SNX6: variants seen among roughly 807,000 people sequenced by gnomAD.
SNX6 encodes sorting nexin 6.
SNX6 carries 34 observed loss-of-function variants against 63.0 expected under a neutral mutation model. The ratio of observed to expected loss-of-function variants is 0.54; its 90% CI spans 0.41 to 0.72. The LOEUF is 0.72. Ranked by LOEUF, SNX6 falls within the 30% of genes least tolerant of loss-of-function variation. SNX6 has a pLI of 0.00. For synonymous variants in SNX6, 170 were observed against 164.2 expected (o/e 1.04, Z -0.27); for missense variants, 398 against 471.4 (o/e 0.84, Z 1.44).
At chr14:34,572,325 G>A (rs1245865281) in intron 11 of SNX6, among the ~76,000 whole-genome samples, 1 of 152,112 alleles carries the variant, frequency 6.6e-6, no homozygotes, top group Non-Finnish European at 1.5e-5. Flanking sequence ...TTGGGAGGCC[G>A]AGGCGGGTGG....
At position 34,578,016 on chromosome 14, in the gene SNX6, C is replaced by A. The variant is rs887397645; in HGVS notation, c.835-2174G>T. Among the ~76,000 whole-genome samples, 20 of 152,078 alleles carry A rather than the reference C, an allele frequency of 1.3e-4. No individual in the cohort carries two copies. In the East Asian group the frequency reaches 3.9e-3, roughly 29 times the overall value. ...GTCAGGAGTTCGAGACCAGCCTGGC[C>A]AACATGGTGAAACCCCACCCCCCCG... On this transcript the variant is annotated intron_variant, in intron 10 of 13. Coordinates refer to ENST00000362031, the MANE Select transcript of SNX6 (RefSeq NM_152233.4).
intron 7 of SNX6, among the ~76,000 whole-genome samples, chr14:34,593,979 G>C (rs1272317514): frequency 6.6e-6 from 1 of 152,038 alleles, no homozygotes; most frequent in East Asian, 1.9e-4. Context: ...GCCTCCCAAC[G>C]TGCTAAAGTG....
At chr14:34,616,434 A>G (rs1419892741) in intron 2 of SNX6, among the ~76,000 whole-genome samples, 1 of 152,086 alleles carries the variant, frequency 6.6e-6, no homozygotes, top group Admixed American at 6.6e-5. Context: ...CGGTGGCACA[A>G]TCATAGCTCA....
intron 2 of SNX6, among the ~76,000 whole-genome samples, chr14:34,627,090 A>G (rs1883856333): frequency 6.6e-6 from 1 of 152,140 alleles, no homozygotes; most frequent in African/African-American, 2.4e-5. Context: ...ATTGTTCTCA[A>G]GCTCTCAGCC....
chr14:34,590,098 C>G (rs1457929406), intron 8 of SNX6, among the ~76,000 whole-genome samples: 3 of 151,824 alleles, frequency 2.0e-5, no homozygotes, highest in Non-Finnish European at 2.9e-5. Flanking sequence ...GAGCGAGACC[C>G]TGTCTCAACA....
chr14:34,570,140 C>T (rs1881379249), intron 11 of SNX6, among the ~76,000 whole-genome samples: 1 of 151,628 alleles, frequency 6.6e-6, no homozygotes, highest in African/African-American at 2.4e-5. Flanking sequence ...GCGATCTCAG[C>T]TCACCGCAAC....
intron 10 of SNX6, among the ~76,000 whole-genome samples, chr14:34,580,332 G>T (rs1379410224): frequency 1.3e-5 from 2 of 152,034 alleles, no homozygotes; most frequent in African/African-American, 4.8e-5. Context: ...TTTGATACAG[G>T]GTCTCTGTCA....
chr14:34,629,990 G>C, intron 1 of SNX6, 36 bp from the exon 2 acceptor site: 2 of 1,527,240 alleles, frequency 1.3e-6, no homozygotes, highest in South Asian at 1.2e-5. Context: ...CCGGGGAAAA[G>C]GATGAGATGG....
chr14:34,587,529 T>A (rs1218345057), intron 8 of SNX6, among the ~76,000 whole-genome samples: 2 of 36,840 alleles, frequency 5.4e-5, no homozygotes, highest in South Asian at 1.5e-3. Flanking sequence ...CAAGACTCCA[T>A]CTCAAAAAAA....
intron 11 of SNX6, among the ~76,000 whole-genome samples, chr14:34,573,878 T>C (rs1881566374): frequency 6.6e-6 from 1 of 151,772 alleles, no homozygotes; most frequent in East Asian, 2.0e-4. Flanking sequence ...GCTGACCTTG[T>C]GATCCACCCT....
In SNX6 at chr14:34,577,260, T is replaced by C. The variant is rs547794982; in HGVS notation, c.835-1418A>G. On this transcript the variant is annotated intron_variant, in intron 10 of 13. Coordinates refer to ENST00000362031, the MANE Select transcript of SNX6 (RefSeq NM_152233.4). ...ACCAAGCTTGGCTAATTTTTTTGTA[T>C]TTTTTTTTAGTAGAGACGGGGTTTT... 1.9e-4 allele frequency among the ~76,000 whole-genome samples: 27 copies of C among 143,312 alleles called. No homozygotes were observed. The East Asian group carries it at 3.0e-3, about 16-fold the overall frequency. The allele number at this position is 143,312 out of a possible 152,430, so 94.0% of individuals were successfully genotyped here. A position where few individuals can be genotyped will look rare whatever the true frequency, so the allele number is the denominator to read the frequency against.
At chr14:34,614,465 C>G (rs1477104657) in intron 2 of SNX6, among the ~76,000 whole-genome samples, 1 of 151,448 alleles carries the variant, frequency 6.6e-6, no homozygotes, top group East Asian at 1.9e-4. Context: ...AACTCCAAAA[C>G]CAGAAACAGA....
Position 34,609,846 on chromosome 14 carries a change from TA to T in SNX6, c.55-105del, listed in dbSNP as rs1206161502. ...CAAAACAAAAATAACAAAAGATTAT[TA>T]AGTCTAAAGAGGTACTCATGTCCAT... On this transcript the variant is annotated intron_variant, in intron 2 of 13. Coordinates refer to ENST00000362031, the MANE Select transcript of SNX6 (RefSeq NM_152233.4). 8 of 766,632 alleles carry T rather than the reference TA, an allele frequency of 1.0e-5. No homozygotes were observed. In the East Asian group the frequency reaches 1.9e-4, roughly 18 times the overall value. 47.5% of individuals were successfully genotyped at this position (766,632 alleles called of 1,614,324 possible).
At chr14:34,597,838 T>C (rs1363029431) in intron 6 of SNX6, among the ~76,000 whole-genome samples, 193 bp from the exon 7 acceptor site, 6 of 152,172 alleles carry the variant, frequency 3.9e-5, no homozygotes, top group Non-Finnish European at 7.4e-5. Context: ...ATATAGATAT[T>C]CAGGACTCAC....
intron 2 of SNX6, among the ~76,000 whole-genome samples, chr14:34,626,598 G>A (rs1255250541): frequency 2.6e-5 from 4 of 151,078 alleles, no homozygotes; most frequent in South Asian, 4.2e-4. Context: ...GAACCCAGGA[G>A]GCAGAGCTTG....
chr14:34,595,106 AAAT>A lies in SNX6; in HGVS notation c.613-1959_613-1957del, dbSNP rs139369884. On this transcript the variant is annotated intron_variant, in intron 7 of 13. Transcript: ENST00000362031. The stretch of plus-strand genomic sequence containing the variant: ...AGACCCTGTCTCAAAATGCAAAATA[AAAT>A]AAAAAATAAATATTAAAATAAAATT... Among the ~76,000 whole-genome samples the A allele has an allele frequency of 4.6e-3, 698 of 152,166 alleles. 9 individuals are homozygous for A. The highest frequency in any genetic ancestry group is 0.016 in the African/African-American group (680 of 41,524).
chr14:34,583,849 G>GT (rs1491461416), intron 9 of SNX6, among the ~76,000 whole-genome samples: 1 of 52,998 alleles, frequency 1.9e-5, no homozygotes, highest in Non-Finnish European at 3.8e-5. Context: ...TGGGAAGGTG[G>GT]CTTTTTTTTT....
chr14:34,622,129 T>C (rs1304081274), intron 2 of SNX6, among the ~76,000 whole-genome samples: 1 of 151,458 alleles, frequency 6.6e-6, no homozygotes, highest in Non-Finnish European at 1.5e-5. Context: ...TGGCTAATTT[T>C]TTTTGTATTT....
Position 34,563,062 on chromosome 14 carries a change from G to A in SNX6, c.*60C>T. The A allele has an allele frequency of 6.5e-7, 1 of 1,541,260 alleles. No homozygotes were observed. Among genetic ancestry groups the A allele is most frequent in the Non-Finnish European group, 8.9e-7 (1 of 1,120,778 alleles). On this transcript the variant is annotated 3_prime_UTR_variant, in exon 14 of 14. Transcript: ENST00000362031. ...GAGCATAAATGCTTAACATCATTAA[G>A]AAAACAAAAATAAAATTTGAAGGAA... is the stretch of plus-strand genomic sequence containing the variant.
Sources: allele counts gnomAD v4.1 joint callset (sites outside exome capture counted in the v4.1 genomes callset), GRCh38; gene constraint gnomAD v4.1.1; transcripts MANE v1.5; gene names NCBI Gene and HGNC (gene_info 2026-07-23, HGNC 2026-07-21).